Variants in KIFC3 observed in about 807,000 individuals in gnomAD.
KIFC3 encodes kinesin-like protein KIFC3.
A neutral mutation model predicts 101.8 loss-of-function variants in KIFC3; 60 were observed. The observed-to-expected ratio is 0.59, with a 90% CI of 0.48 to 0.73. KIFC3 has a LOEUF of 0.73. KIFC3 is among the 30% of genes least tolerant of loss of function. The probability of loss-of-function intolerance (pLI) is 0.00; values close to 1 mark genes in which losing one functional copy is unlikely to be tolerated. For missense variants in KIFC3, 966 were observed against 1,137.1 expected, an observed-to-expected ratio of 0.85 and a Z score of 2.16; for synonymous variants, 476 against 482.7, an observed-to-expected ratio of 0.99 and a Z score of 0.18.
Position 57,798,194 on chromosome 16 carries a change from C to T in KIFC3, c.50G>A (p.Arg17Gln), listed in dbSNP as rs1048497996. The change falls in exon 2 of 20, where the codon CGG (arginine) becomes CAG (glutamine). Residue 17 changes from arginine to glutamine, a missense_variant. This residue lies in a region of KIFC3 where 277 missense variants were observed against 252.5 expected (regional missense o/e 1.10). Transcript: ENST00000445690. Reference sequence around the variant, plus strand: ...GGCCCGGCCCACTCTCCACAGGCCCCGCAGCGAGGGCGTGGCTCCCAGGTT... The same window carrying T: ...GGCCCGGCCCACTCTCCACAGGCCCTGCAGCGAGGGCGTGGCTCCCAGGTT... ...TWNLGATPSLRGLWRVGRAPE... is the reference protein window; with the variant it reads ...TWNLGATPSLQGLWRVGRAPE... 30 of 1,543,976 alleles carry T rather than the reference C, an allele frequency of 1.9e-5. No individual in the cohort carries two copies. The highest frequency in any genetic ancestry group is 2.4e-5 in the Non-Finnish European group (27 of 1,144,826).
chr16:57,760,410 G>C lies in KIFC3; in HGVS notation c.2239C>G (p.Pro747Ala). ...SKTLMVVQVSPVEKNTSETLY... is the reference protein window; with the variant it reads ...SKTLMVVQVSAVEKNTSETLY... ...GTCTCGCTAGTGTTCTTCTCCACGGGGGACACCTAGGGGACACGAGAGCTC... is the reference window on the plus strand; with the variant it reads ...GTCTCGCTAGTGTTCTTCTCCACGGCGGACACCTAGGGGACACGAGAGCTC... Residue 747 changes from proline (P) to alanine (A), a missense_variant, in exon 17 of 20, where the codon CCC becomes GCC. Around this residue, in one of 2 missense-constraint regions of KIFC3, gnomAD observed 689 missense variants for 884.6 expected, o/e 0.78. Coordinates refer to ENST00000445690, the MANE Select transcript of KIFC3 (RefSeq NM_001130100.2). 1.9e-6 allele frequency: 3 copies of C among 1,613,556 alleles called. No homozygotes were observed. Among genetic ancestry groups the C allele is most frequent in the Non-Finnish European group, 2.5e-6 (3 of 1,179,860 alleles).
chr16:57,824,245 T>A (rs2055414255), intron 1 of KIFC3, among the ~76,000 whole-genome samples: 1 of 152,212 alleles, frequency 6.6e-6, no homozygotes, highest in African/African-American at 2.4e-5. Flanking sequence ...GCTCCCTGCC[T>A]TGGGGGAGCC....
At chr16:57,780,691 T>C (rs1294126864) in intron 3 of KIFC3, among the ~76,000 whole-genome samples, 1 of 140,026 alleles carries the variant, frequency 7.1e-6, no homozygotes, top group Non-Finnish European at 1.6e-5. Context: ...TTTTTTTTTT[T>C]TGAGATAGAG....
chr16:57,769,163 A>G lies in KIFC3; in HGVS notation c.1218+432T>C, dbSNP rs1567962405. Reference sequence around the variant, plus strand: ...ATTCTCCTGCCTCAGCCTCCCGAGTAGCTGGAATTAACAGGCACCTGCCAC... The same window carrying G: ...ATTCTCCTGCCTCAGCCTCCCGAGTGGCTGGAATTAACAGGCACCTGCCAC... On this transcript the variant is annotated intron_variant, in intron 9 of 19. Coordinates refer to ENST00000445690, the MANE Select transcript of KIFC3 (RefSeq NM_001130100.2). This position sits in a 1 kb window ranked among gnomAD's most constrained non-coding sequence, Gnocchi z 4.3. Among the ~76,000 whole-genome samples the G allele has an allele frequency of 6.6e-6, 1 of 152,134 alleles. No individual in the cohort carries two copies. The highest frequency in any genetic ancestry group is 1.5e-5 in the Non-Finnish European group (1 of 68,014).
Position 57,771,659 on chromosome 16 carries a change from C to G in KIFC3, c.409G>C (p.Asp137His). The change falls in exon 5 of 20, where the codon GAC (aspartate) becomes CAC (histidine). Residue 137 changes from aspartate to histidine, a missense_variant. Asp to His is a moderately conservative substitution (Grantham distance 81). Transcript: ENST00000445690. ...CGCTCATTCTCCACCATCAGCAGGTCCCGGTGCTTCTCCAAGTCGGTGCCC... is the reference window on the plus strand; with the variant it reads ...CGCTCATTCTCCACCATCAGCAGGTGCCGGTGCTTCTCCAAGTCGGTGCCC... ...LGGTDLEKHR[D>H]LLMVENERLR... 1 of 1,612,826 alleles carries G rather than the reference C, an allele frequency of 6.2e-7. No individual in the cohort carries two copies. The highest frequency in any genetic ancestry group is 8.5e-7 in the Non-Finnish European group (1 of 1,179,776).
At chr16:57,799,893 A>G (rs1317861112) in intron 1 of KIFC3, among the ~76,000 whole-genome samples, 1 of 152,184 alleles carries the variant, frequency 6.6e-6, no homozygotes. Flanking sequence ...AAGCCCAGAC[A>G]GGCAGAAAGC....
rs184562901 is a variant in KIFC3, at chr16:57,793,117, T to C, written c.315+1882A>G. On this transcript the variant is annotated intron_variant, in intron 3 of 19. Coordinates refer to ENST00000445690, the MANE Select transcript of KIFC3 (RefSeq NM_001130100.2). The stretch of plus-strand genomic sequence containing the variant: ...GCCTGGCCAACATGGTGAAACCCCA[T>C]CTCTACTAAAAATACAAAAATTAGC... Among the ~76,000 whole-genome samples, 1,142 of 147,666 alleles carry C rather than the reference T, an allele frequency of 7.7e-3. 4 individuals carry two copies. The highest frequency in any genetic ancestry group is 0.011 in the Non-Finnish European group (756 of 66,954).
chr16:57,786,542 TG>T (rs139723536), intron 3 of KIFC3, among the ~76,000 whole-genome samples: 4 of 151,028 alleles, frequency 2.6e-5, no homozygotes, highest in Non-Finnish European at 4.4e-5. Flanking sequence ...GGAGGAGGGA[TG>T]GGGGGTTTGC....
At chr16:57,848,045 T>C (rs1230393274) in intron 1 of KIFC3, among the ~76,000 whole-genome samples, 1 of 152,204 alleles carries the variant, frequency 6.6e-6, no homozygotes, top group East Asian at 1.9e-4. Flanking sequence ...CGCAGCCTTC[T>C]AAAGTACTGG....
chr16:57,766,187 C>G lies in KIFC3; in HGVS notation c.1331-547G>C, dbSNP rs186033039. Among the ~76,000 whole-genome samples the G allele has an allele frequency of 7.5e-4, 114 of 152,294 alleles. 1 individual carries two copies. Among genetic ancestry groups the G allele is most frequent in the African/African-American group, 2.7e-3 (113 of 41,554 alleles). ...ATCTACTTCCAGCCTTTGTTGGGAT[C>G]CCTGTGCTCTTGGAATGAAGAGGAA... is the stretch of plus-strand genomic sequence containing the variant. On this transcript the variant is annotated intron_variant, in intron 10 of 19. Transcript: ENST00000445690.
rs143854324 is a variant in KIFC3 at position 57,776,920 on chromosome 16, T to C, written c.316-4632A>G. ...TATGACAAAAAGGAAGTCTAGAGTT[T>C]TATGTGAATTTAATTAAGATTTGAA... On this transcript the variant is annotated intron_variant, in intron 3 of 19. Transcript: ENST00000445690. 11 of 152,370 alleles carry C rather than the reference T, an allele frequency of 7.2e-5. No homozygotes were observed. In the East Asian group the frequency reaches 1.5e-3, roughly 21 times the overall value. 9.4% of individuals were successfully genotyped at this position (152,370 alleles called of 1,614,324 possible). A position where few individuals can be genotyped will look rare whatever the true frequency, so the allele number is the denominator to read the frequency against.
intron 3 of KIFC3, chr16:57,775,833 G>A (rs920681495): frequency 1.4e-4 from 138 of 985,442 alleles, no homozygotes; most frequent in Non-Finnish European, 1.6e-4. Context: ...GTCAATCCAG[G>A]GCTGAGGACG....
intron 4 of KIFC3, 126 bp from the exon 5 acceptor site, chr16:57,771,812 G>T: frequency 8.2e-7 from 1 of 1,218,034 alleles, no homozygotes; most frequent in Non-Finnish European, 1.1e-6. Context: ...GCAGAGGGAA[G>T]GAGAAAAAGA....
intron 1 of KIFC3, among the ~76,000 whole-genome samples, chr16:57,810,306 A>ACTG (rs562528702): frequency 3.5e-3 from 528 of 152,294 alleles, no homozygotes; most frequent in Non-Finnish European, 5.7e-3. Flanking sequence ...TCTTAGCACC[A>ACTG]CTGCTGCTGC....
chr16:57,843,974 G>T (rs1243026680), intron 1 of KIFC3, among the ~76,000 whole-genome samples: 1 of 151,946 alleles, frequency 6.6e-6, no homozygotes, highest in Non-Finnish European at 1.5e-5. Context: ...TGGGCATGGT[G>T]GTGCACGCCT....
intron 1 of KIFC3, among the ~76,000 whole-genome samples, chr16:57,820,368 C>T (rs1026703180): frequency 4.6e-5 from 7 of 152,192 alleles, no homozygotes; most frequent in African/African-American, 9.6e-5. Context: ...TCGAATCCCT[C>T]GGCTCAAGCA....
At chr16:57,852,108 T>C (rs1311975243) in intron 1 of KIFC3, among the ~76,000 whole-genome samples, 2 of 152,160 alleles carry the variant, frequency 1.3e-5, no homozygotes, top group African/African-American at 4.8e-5. Flanking sequence ...GTCTCTTTTT[T>C]CCTGCTTATT....
At position 57,795,019 on chromosome 16, in the gene KIFC3, C is replaced by T; in HGVS notation, c.295G>A (p.Gly99Arg). The T allele has an allele frequency of 4.4e-6, 7 of 1,595,262 alleles. No individual in the cohort carries two copies. The highest frequency in any genetic ancestry group is 2.2e-5 in the South Asian group (2 of 89,032). Residue 99 changes from glycine (G) to arginine (R), a missense_variant, in exon 3 of 20, where the codon GGG becomes AGG. Gly to Arg is a moderately radical substitution (Grantham distance 125). This residue lies in a region of KIFC3 where 277 missense variants were observed against 252.5 expected (regional missense o/e 1.10). Coordinates refer to ENST00000445690, the MANE Select transcript of KIFC3 (RefSeq NM_001130100.2). ...VDWAGPGSPH[G>R]LYLTLQVEHL... Reference sequence around the variant, plus strand: ...CTTACCTGCAGGGTCAGGTAGAGCCCGTGGGGGCTTCCGGGGCCAGCCCAG... The same window carrying T: ...CTTACCTGCAGGGTCAGGTAGAGCCTGTGGGGGCTTCCGGGGCCAGCCCAG...
intron 3 of KIFC3, among the ~76,000 whole-genome samples, chr16:57,791,667 G>C (rs200264887): frequency 6.6e-6 from 1 of 152,146 alleles, no homozygotes; most frequent in South Asian, 2.1e-4. Context: ...CAGTAGATCT[G>C]CTGACCCCAG....
Sources: gnomAD v4.1 joint callset for allele counts (sites outside exome capture counted in the v4.1 genomes callset) on GRCh38, gnomAD v4.1.1 for gene constraint, gnomAD v4.1.1 regional missense constraint, Gnocchi (gnomAD v3.1) non-coding constraint, MANE v1.5 for transcripts, NCBI Gene and HGNC (gene_info 2026-07-23, HGNC 2026-07-21) for gene names.